The following DDX49 variants were observed in gnomAD, a reference collection of about 807,000 sequenced individuals.
DDX49 encodes the protein probable ATP-dependent RNA helicase DDX49.
Under a neutral mutation model 56.3 loss-of-function variants are expected in DDX49, and 50 were observed. The ratio of observed to expected loss-of-function variants is 0.89; its 90% CI spans 0.71 to 1.12. The LOEUF is 1.12. Among genes scored for constraint, DDX49 ranks in the 50% most tolerant of loss-of-function variants. The pLI is 0.00. For missense variants in DDX49, 614 were observed against 650.5 expected, an observed-to-expected ratio of 0.94 and a Z score of 0.61; for synonymous variants, 269 against 270.6, an observed-to-expected ratio of 0.99 and a Z score of 0.06.
chr19:18,925,377 A>G (rs1174627246), intron 9 of DDX49, among the ~76,000 whole-genome samples: 1 of 151,644 alleles, frequency 6.6e-6, no homozygotes, highest in Non-Finnish European at 1.5e-5. Context: ...AACATAGTGA[A>G]ACACTGTCTT....
Position 18,928,011 on chromosome 19 carries a change from G to C in DDX49, c.1238G>C (p.Arg413Pro). The C allele has an allele frequency of 6.2e-7, 1 of 1,613,852 alleles. No homozygotes were observed. The highest frequency in any genetic ancestry group is 8.5e-7 in the Non-Finnish European group (1 of 1,179,976). ...GACGAAAAGAAGGAGATCAACAAAC[G>C]GAAGCAGCTGATCCTGGAGGGGAAG... ...HFDEKKEINKRKQLILEGKDP... is the reference protein window; with the variant it reads ...HFDEKKEINKPKQLILEGKDP... The change falls in exon 12 of 13, where the codon CGG becomes CCG. Residue 413 changes from arginine to proline, a missense_variant. Transcript: ENST00000247003.
chr19:18,926,690 A>C (rs1034798040), intron 10 of DDX49, among the ~76,000 whole-genome samples: 2 of 151,560 alleles, frequency 1.3e-5, no homozygotes, highest in African/African-American at 4.9e-5. Flanking sequence ...CCTGCTAAAA[A>C]CCCCTGGGAA....
rs1252085064 is a variant in DDX49, at chr19:18,928,186, G to T, written c.1322G>T (p.Arg441Leu). ...AELAKIKQKN[R>L]RFKEKVEETL... ...CTGGCCAAGATCAAGCAGAAGAACC[G>T]GCGCTTCAAGGAGAAGGTGGAGGAG... Residue 441 changes from arginine (R) to leucine (L), a missense_variant, in exon 13 of 13, where the codon CGG (arginine) becomes CTG (leucine). Transcript: ENST00000247003. 1.9e-6 allele frequency: 3 copies of T among 1,584,944 alleles called. No homozygotes were observed. The highest frequency in any genetic ancestry group is 2.6e-6 in the Non-Finnish European group (3 of 1,165,598).
intron 4 of DDX49, 116 bp downstream of exon 4, chr19:18,922,080 C>T (rs1051611767): frequency 3.7e-5 from 51 of 1,381,448 alleles, no homozygotes; most frequent in Admixed American, 1.2e-4. Context: ...GTTAGACTGT[C>T]CAGTAAAACG....
chr19:18,923,350 C>G (rs946073279), intron 6 of DDX49, among the ~76,000 whole-genome samples: 20 of 152,126 alleles, frequency 1.3e-4, no homozygotes, highest in African/African-American at 4.8e-4. Context: ...GGTGAAACTT[C>G]ATCTCGACTA....
In DDX49 at chr19:18,922,648, C is replaced by G; in HGVS notation, c.680C>G (p.Pro227Arg). The change falls in exon 6 of 13, where the codon CCT becomes CGT. Residue 227 changes from proline (P) to arginine (R), a missense_variant. Transcript: ENST00000247003. ...EQLDQRYLLV[P>R]EKVKDAYLVH... is the part of the protein sequence containing the mutation. ...CTGGACCAGCGCTACCTGCTGGTGC[C>G]TGAGAAGGTCAAGGACGCCTACCTG... 6.2e-7 allele frequency: 1 copy of G among 1,614,022 alleles called. No individual in the cohort carries two copies. Among genetic ancestry groups the G allele is most frequent in the Non-Finnish European group, 8.5e-7 (1 of 1,180,020 alleles).
intron 10 of DDX49, among the ~76,000 whole-genome samples, chr19:18,927,393 TATCTG>T (rs1466567619): frequency 6.6e-6 from 1 of 151,644 alleles, no homozygotes; most frequent in Non-Finnish European, 1.5e-5. Context: ...AAGAAAGAAA[TATCTG>T]GACTTTAAAG....
chr19:18,927,987 A>T lies in DDX49; in HGVS notation c.1214A>T (p.Asp405Val). The T allele has an allele frequency of 6.2e-7, 1 of 1,613,558 alleles. No individual in the cohort carries two copies. Among genetic ancestry groups the T allele is most frequent in the Non-Finnish European group, 8.5e-7 (1 of 1,179,918 alleles). ...CEIKLEAAHF[D>V]EKKEINKRKQ... is the part of the protein sequence containing the mutation. ...CAGAAACTGGAGGCGGCCCACTTTG[A>T]CGAAAAGAAGGAGATCAACAAACGG... Residue 405 changes from aspartate to valine, a missense_variant, in exon 12 of 13, where the codon GAC (aspartate) becomes GTC (valine). Transcript: ENST00000247003.
chr19:18,925,722 C>T (rs950603696), intron 9 of DDX49, among the ~76,000 whole-genome samples: 9 of 152,258 alleles, frequency 5.9e-5, no homozygotes, highest in East Asian at 1.9e-4. Flanking sequence ...GCTGCTGCCT[C>T]GTCAGGGAGG....
chr19:18,921,777 C>T (rs1237759822), intron 3 of DDX49, 29 bp downstream of exon 3: 1 of 1,614,150 alleles, frequency 6.2e-7, no homozygotes, highest in Non-Finnish European at 8.5e-7. Flanking sequence ...GGGGGAAGCC[C>T]CAGCATGGGA....
rs2056921575 is a variant in DDX49, at chr19:18,921,975, C to T, written c.447+11C>T. Reference sequence around the variant, plus strand: ...AAGATCCGCTTCCTGGTGAGTTCGCCCCGCCCCTGCAGACCTCAGGAGCTG... The same window carrying T: ...AAGATCCGCTTCCTGGTGAGTTCGCTCCGCCCCTGCAGACCTCAGGAGCTG... On this transcript the variant is annotated intron_variant, in intron 4 of 12. Coordinates refer to ENST00000247003, the MANE Select transcript of DDX49 (RefSeq NM_019070.5). The T allele has an allele frequency of 1.3e-6, 2 of 1,599,714 alleles. No individual in the cohort carries two copies. Among genetic ancestry groups the T allele is most frequent in the Non-Finnish European group, 1.7e-6 (2 of 1,171,124 alleles).
intron 1 of DDX49, 147 bp downstream of exon 1, chr19:18,920,003 G>A (rs1442445326): frequency 3.4e-6 from 2 of 581,128 alleles, no homozygotes; most frequent in Non-Finnish European, 6.0e-6. Context: ...AGGACGACTG[G>A]ACAGTGTTGG....
rs1457975494 is a variant in DDX49, at chr19:18,919,864, T to G, written c.115+8T>G. The stretch of plus-strand genomic sequence containing the variant: ...TCCCCGCCATCCTGGAGGGTGAGTA[T>G]GGCCCAGGGCCTTCCCCAAGAGGCC... On this transcript the variant is annotated splice_region_variant and intron_variant, in intron 1 of 12. Coordinates refer to ENST00000247003, the MANE Select transcript of DDX49 (RefSeq NM_019070.5). The G allele has an allele frequency of 6.3e-7, 1 of 1,588,960 alleles. No homozygotes were observed. Among genetic ancestry groups the G allele is most frequent in the Non-Finnish European group, 8.6e-7 (1 of 1,159,744 alleles).
Position 18,921,935 on chromosome 19 carries a change from A to G in DDX49, c.418A>G (p.Thr140Ala). ...RLADHLRSSNTFSIKKIRFLV... is the reference protein window; with the variant it reads ...RLADHLRSSNAFSIKKIRFLV... ...GGCAGATCACCTGCGCAGCTCCAAC[A>G]CTTTTAGTATAAAGAAGATCCGCTT... The change falls in exon 4 of 13, where the codon ACT becomes GCT. Residue 140 changes from threonine (T) to alanine (A), a missense_variant. Coordinates refer to ENST00000247003, the MANE Select transcript of DDX49 (RefSeq NM_019070.5). The G allele has an allele frequency of 1.2e-6, 2 of 1,613,356 alleles. No individual in the cohort carries two copies. The highest frequency in any genetic ancestry group is 1.3e-5 in the African/African-American group (1 of 74,988).
In DDX49 at chr19:18,919,773, C is replaced by G. The variant is rs767441810; in HGVS notation, c.32C>G (p.Ser11Trp). 6.2e-7 allele frequency: 1 copy of G among 1,611,980 alleles called. No homozygotes were observed. Among genetic ancestry groups the G allele is most frequent in the Non-Finnish European group, 8.5e-7 (1 of 1,178,654 alleles). Residue 11 changes from serine (S) to tryptophan (W), a missense_variant, in exon 1 of 13, where the codon TCG becomes TGG. Coordinates refer to ENST00000247003, the MANE Select transcript of DDX49 (RefSeq NM_019070.5). ...GGCTTCGCGGAGCTCGGGCTGTCAT[C>G]GTGGCTCGTGGAACAATGTCGGCAG... MAGFAELGLS[S>W]WLVEQCRQLG...
intron 6 of DDX49, 115 bp downstream of exon 6, chr19:18,922,859 GAGGTCATGGGGGCTTCCCTCA>G: frequency 7.4e-7 from 1 of 1,354,982 alleles, no homozygotes; most frequent in Non-Finnish European, 1.0e-6. Context: ...GCTCAGCCTG[GAGGTCATGGGGGCTTCCCTCA>G]AGGAGCCAAG....
rs1421441290 is a variant in DDX49, at chr19:18,922,754, GC to G, written c.776+13del. On this transcript the variant is annotated intron_variant, in intron 6 of 12. Transcript: ENST00000247003. ...TCACCAACACGTGCAAGTGAGCGGG[GC>G]CCGCCTCTCCCCTCCCACCGCCCTT... is the stretch of plus-strand genomic sequence containing the variant. 3 of 1,601,116 alleles carry G rather than the reference GC, an allele frequency of 1.9e-6. No individual in the cohort carries two copies. Among genetic ancestry groups the G allele is most frequent in the Non-Finnish European group, 1.7e-6 (2 of 1,172,910 alleles).
In DDX49 at chr19:18,927,962, C is replaced by G. The variant is rs750285499; in HGVS notation, c.1192-3C>G. The G allele has an allele frequency of 2.0e-5, 33 of 1,613,820 alleles. No individual in the cohort carries two copies. Among genetic ancestry groups the G allele is most frequent in the Non-Finnish European group, 2.6e-5 (31 of 1,180,008 alleles). ...ATCTCCTTACCCCACTTCCCTCCAC[C>G]AGAAACTGGAGGCGGCCCACTTTGA... On this transcript the variant is annotated splice_polypyrimidine_tract_variant and splice_region_variant and intron_variant, in intron 11 of 12. Coordinates refer to ENST00000247003, the MANE Select transcript of DDX49 (RefSeq NM_019070.5).
chr19:18,924,391 G>T, intron 7 of DDX49, 83 bp downstream of exon 7: 1 of 1,430,710 alleles, frequency 7.0e-7, no homozygotes, highest in Non-Finnish European at 9.7e-7. Context: ...TCCTTCTGCC[G>T]GGCGCCTTCT....
Sources: gnomAD v4.1 joint callset for allele counts (sites outside exome capture counted in the v4.1 genomes callset) on GRCh38, gnomAD v4.1.1 for gene constraint, MANE v1.5 for transcripts, NCBI Gene and HGNC (gene_info 2026-07-23, HGNC 2026-07-21) for gene names.